The following TENM3 variants were observed in gnomAD, a reference collection of about 807,000 sequenced individuals.
The protein encoded by TENM3 is teneurin transmembrane protein 3.
TENM3 carries 63 observed loss-of-function variants against 255.1 expected under a neutral mutation model. The observed-to-expected ratio is 0.25, with a 90% CI of 0.20 to 0.30. TENM3 has a LOEUF of 0.30. Ranked by LOEUF, TENM3 falls within the 10% of genes least tolerant of loss-of-function variation. The pLI is 1.00. For missense variants in TENM3, 2,929 were observed against 3,461.1 expected (o/e 0.85, Z 3.86); for synonymous variants, 1,306 against 1,322.3 (o/e 0.99, Z 0.27).
the TENM3 span, among the ~76,000 whole-genome samples, chr4:181,949,571 C>T: frequency 6.6e-6 from 1 of 152,212 alleles, no homozygotes; most frequent in Non-Finnish European, 1.5e-5. Flanking sequence ...ACATGTGTCT[C>T]ACCCAGATTA....
chr4:182,100,451 AT>A, the TENM3 span, among the ~76,000 whole-genome samples: 28 of 64,204 alleles, frequency 4.4e-4, no homozygotes, highest in South Asian at 0.01. Flanking sequence ...AAAAAAAAAT[AT>A]ATATATATAT....
In TENM3 at chr4:182,625,801, G is replaced by A. The variant is rs565815306; in HGVS notation, c.750-2850G>A. Among the ~76,000 whole-genome samples, 9 of 152,240 alleles carry A rather than the reference G, an allele frequency of 5.9e-5. No homozygotes were observed. The South Asian group carries it at 1.5e-3, about 25-fold the overall frequency. ...TGCCTTTTAAATCCTCTCCAGTGGC[G>A]TTGAGGGAATAGGCTGTTTCTACGG... On this transcript the variant is annotated intron_variant, in intron 4 of 27. Coordinates refer to ENST00000511685, the MANE Select transcript of TENM3 (RefSeq NM_001080477.4).
At chr4:182,688,744 C>T (rs1235229479) in intron 12 of TENM3, among the ~76,000 whole-genome samples, 1 of 152,126 alleles carries the variant, frequency 6.6e-6, no homozygotes, top group Non-Finnish European at 1.5e-5. Flanking sequence ...AATATATGCC[C>T]TTGTTGGCCT....
At chr4:181,673,184 C>A in the TENM3 span, among the ~76,000 whole-genome samples, 2 of 152,090 alleles carry the variant, frequency 1.3e-5, no homozygotes, top group Non-Finnish European at 2.9e-5. Context: ...ATGCGTATAC[C>A]TATTATTGTG....
the TENM3 span, among the ~76,000 whole-genome samples, chr4:181,529,255 A>T: frequency 1.3e-5 from 2 of 152,146 alleles, no homozygotes; most frequent in Non-Finnish European, 2.9e-5. Flanking sequence ...CATGAGCAAA[A>T]ATGAATGAGA....
At chr4:182,529,216 G>C (rs1739530586) in intron 3 of TENM3, among the ~76,000 whole-genome samples, 1 of 152,158 alleles carries the variant, frequency 6.6e-6, no homozygotes, top group South Asian at 2.1e-4. Flanking sequence ...AAAGGAGTTG[G>C]GAGGGAGGGC....
chr4:181,553,336 AC>A, the TENM3 span, among the ~76,000 whole-genome samples: 1 of 58,918 alleles, frequency 1.7e-5, no homozygotes, highest in African/African-American at 5.3e-5. Context: ...ATATATATAT[AC>A]ACACACACAC....
chr4:181,646,297 A>G, the TENM3 span, among the ~76,000 whole-genome samples: 1 of 152,190 alleles, frequency 6.6e-6, no homozygotes, highest in Non-Finnish European at 1.5e-5. Context: ...TATATGAAGG[A>G]CACAGAAATT....
At chr4:181,928,712 C>T in the TENM3 span, among the ~76,000 whole-genome samples, 2 of 151,872 alleles carry the variant, frequency 1.3e-5, no homozygotes, top group African/African-American at 4.8e-5. Context: ...GAAGAGCAAC[C>T]CCAAGACATA....
At chr4:181,817,555 T>G in the TENM3 span, among the ~76,000 whole-genome samples, 1 of 152,140 alleles carries the variant, frequency 6.6e-6, no homozygotes, top group Non-Finnish European at 1.5e-5. Flanking sequence ...TCCCCAAAAT[T>G]TATGCCTTGG....
chr4:182,086,070 A>C, the TENM3 span, among the ~76,000 whole-genome samples: 1 of 152,176 alleles, frequency 6.6e-6, no homozygotes, highest in Non-Finnish European at 1.5e-5. Context: ...CTGACACTAA[A>C]AGTTAGGGCA....
the TENM3 span, among the ~76,000 whole-genome samples, chr4:182,096,990 G>C: frequency 6.6e-6 from 1 of 152,192 alleles, no homozygotes; most frequent in Non-Finnish European, 1.5e-5. Context: ...GGGTGATAAA[G>C]CTGTTTTTTT....
chr4:182,440,818 G>A (rs6822332), intron 3 of TENM3, among the ~76,000 whole-genome samples: 2,097 of 152,038 alleles, frequency 0.014, 25 homozygotes, highest in African/African-American at 0.029. Flanking sequence ...TGTAGCTCTA[G>A]AGGTTTTTTT....
At chr4:181,533,157 TC>T in the TENM3 span, among the ~76,000 whole-genome samples, 1 of 152,026 alleles carries the variant, frequency 6.6e-6, no homozygotes, top group African/African-American at 2.4e-5. Context: ...GAAGCAAGGA[TC>T]CAGCTACTCA....
intron 3 of TENM3, among the ~76,000 whole-genome samples, chr4:182,503,096 A>G (rs924727758): frequency 6.6e-6 from 1 of 152,128 alleles, no homozygotes; most frequent in Non-Finnish European, 1.5e-5. Context: ...ATTTCAAGCT[A>G]CAGTTCATTT....
chr4:182,436,083 C>T (rs1772022548), intron 3 of TENM3, among the ~76,000 whole-genome samples: 1 of 151,952 alleles, frequency 6.6e-6, no homozygotes, highest in Non-Finnish European at 1.5e-5. Flanking sequence ...TTCTGTTTGA[C>T]TGTGAAGGTC....
rs988218944 is a variant in TENM3 at position 182,688,350 on chromosome 4, C to T, written c.2220C>T (p.Ile740=). Residue 740 remains isoleucine (I), a splice_region_variant and synonymous_variant, in exon 12 of 28, where the codon ATC becomes ATT. Transcript: ENST00000511685. The stretch of plus-strand genomic sequence containing the variant: ...GCTGGAATGGAGAGCACTGCACTAT[C>T]GGTAGGCTTACTGCAAGTCTGTGTC... ...SQGWNGEHCT[I]EGCPGLCNSN... The T allele has an allele frequency of 3.1e-6, 5 of 1,594,170 alleles. No individual in the cohort carries two copies. The highest frequency in any genetic ancestry group is 1.7e-4 in the Middle Eastern group (1 of 5,976).
intron 2 of TENM3, among the ~76,000 whole-genome samples, chr4:182,341,228 A>T (rs1036025233): frequency 3.3e-5 from 5 of 152,166 alleles, no homozygotes; most frequent in African/African-American, 1.2e-4. Context: ...ATAGGCTTTA[A>T]TTTTTTCTTT....
the TENM3 span, among the ~76,000 whole-genome samples, chr4:181,615,161 T>C: frequency 6.6e-6 from 1 of 152,174 alleles, no homozygotes; most frequent in Admixed American, 6.6e-5. Flanking sequence ...TGTAAGCTTT[T>C]ATTTTCAAGA....
Sources: gnomAD v4.1 joint callset for allele counts (sites outside exome capture counted in the v4.1 genomes callset) on GRCh38, gnomAD v4.1.1 for gene constraint, MANE v1.5 for transcripts, NCBI Gene and HGNC (gene_info 2026-07-23, HGNC 2026-07-21) for gene names.